The following INPP4A variants were observed in gnomAD, a reference collection of about 807,000 sequenced individuals.
INPP4A encodes the protein inositol polyphosphate-4-phosphatase type I A.
A neutral mutation model predicts 119.8 loss-of-function variants in INPP4A; 33 were observed. The observed-to-expected ratio is 0.28, with a 90% CI of 0.21 to 0.37. The LOEUF is 0.37. INPP4A is among the 10% of genes least tolerant of loss of function. The pLI is 1.00. For missense variants in INPP4A, 956 were observed against 1,289.9 expected, an observed-to-expected ratio of 0.74 and a Z score of 3.97; for synonymous variants, 496 against 500.7, an observed-to-expected ratio of 0.99 and a Z score of 0.12.
At chr2:98,451,330 A>G (rs1695183348) in intron 1 of INPP4A, among the ~76,000 whole-genome samples, 1 of 152,128 alleles carries the variant, frequency 6.6e-6, no homozygotes, top group Admixed American at 6.6e-5. Flanking sequence ...AGGCACAGTA[A>G]GCAGATGTAT....
chr2:98,490,105 G>A (rs964608726), intron 1 of INPP4A, among the ~76,000 whole-genome samples: 1 of 151,848 alleles, frequency 6.6e-6, no homozygotes, highest in Non-Finnish European at 1.5e-5. Flanking sequence ...TCTCAGTCTT[G>A]TAGATGGCTT....
In INPP4A at chr2:98,587,851, TTAAA is replaced by T. The variant is rs1700102935; in HGVS notation, c.*246_*249del. On this transcript the variant is annotated 3_prime_UTR_variant, in exon 25 of 25. Coordinates refer to ENST00000409851, the MANE Select transcript of INPP4A (RefSeq NM_001134225.2). ...GGATAGTAACAACTGCCTATTTAAATTAAATAGCCTTTGGCTGTAACTACACAGA... is the reference window on the plus strand; with the variant it reads ...GGATAGTAACAACTGCCTATTTAAATTAGCCTTTGGCTGTAACTACACAGA... 2.7e-6 allele frequency: 1 copy of T among 374,284 alleles called. No individual in the cohort carries two copies. Among genetic ancestry groups the T allele is most frequent in the African/African-American group, 2.1e-5 (1 of 47,618 alleles). The allele number at this position is 374,284 out of a possible 1,614,324, so 23.2% of individuals were successfully genotyped here. A position where few individuals can be genotyped will look rare whatever the true frequency, so the allele number is the denominator to read the frequency against.
At chr2:98,538,201 C>T (rs560159094) in intron 8 of INPP4A, among the ~76,000 whole-genome samples, 2 of 152,322 alleles carry the variant, frequency 1.3e-5, no homozygotes, top group Non-Finnish European at 2.9e-5. Context: ...GTTCTGGGTG[C>T]CACACTGGCC....
At chr2:98,585,001 T>C (rs1699800433) in intron 24 of INPP4A, among the ~76,000 whole-genome samples, 1 of 152,204 alleles carries the variant, frequency 6.6e-6, no homozygotes. Flanking sequence ...TGCTGAGGCA[T>C]TGTTGATGTC....
In INPP4A at chr2:98,569,880, C is replaced by T. The variant is rs928730379; in HGVS notation, c.2518+1212C>T. On this transcript the variant is annotated intron_variant, in intron 22 of 24. Transcript: ENST00000409851. The surrounding 1 kb of genome is among the most constrained non-coding windows in gnomAD (Gnocchi z 5.1). ...TTGGATTGGAAGAGGGGAGGCAAGC[C>T]GCTGATGGCCAGAGTGAGGCTGTGA... The T allele has an allele frequency of 1.3e-5, 2 of 152,332 alleles. No individual in the cohort carries two copies. The highest frequency in any genetic ancestry group is 2.4e-5 in the African/African-American group (1 of 41,408). The allele number at this position is 152,332 out of a possible 1,614,324, so 9.4% of individuals were successfully genotyped here.
chr2:98,515,972 A>G lies in INPP4A; in HGVS notation c.-165-2992A>G, dbSNP rs576458826. ...GTCACATGAGTGCGCAGAGTGAGGAATGGGAGCTGCTCACTTCATGGGTTA... is the reference window on the plus strand; with the variant it reads ...GTCACATGAGTGCGCAGAGTGAGGAGTGGGAGCTGCTCACTTCATGGGTTA... On this transcript the variant is annotated intron_variant, in intron 1 of 24. Transcript: ENST00000409851. Among the ~76,000 whole-genome samples, 9 of 152,276 alleles carry G rather than the reference A, an allele frequency of 5.9e-5. No homozygotes were observed. In the South Asian group the frequency reaches 1.9e-3, roughly 32 times the overall value.
In INPP4A at chr2:98,590,545, G is replaced by C. The variant is rs1353513495; in HGVS notation, c.*2937G>C. The C allele has an allele frequency of 5.1e-6, 1 of 195,704 alleles. No individual in the cohort carries two copies. Among genetic ancestry groups the C allele is most frequent in the Non-Finnish European group, 1.1e-5 (1 of 94,340 alleles). 12.1% of individuals were successfully genotyped at this position (195,704 alleles called of 1,614,324 possible). ...CAGAAGTACGTGTTCATAAATGGTA[G>C]CCATTGTTGTTACCTTCCCGTCTGT... On this transcript the variant is annotated 3_prime_UTR_variant, in exon 25 of 25. Coordinates refer to ENST00000409851, the MANE Select transcript of INPP4A (RefSeq NM_001134225.2).
intron 4 of INPP4A, among the ~76,000 whole-genome samples, chr2:98,521,976 G>T (rs1687281835): frequency 3.9e-5 from 6 of 151,988 alleles, no homozygotes; most frequent in Admixed American, 3.9e-4. Flanking sequence ...AGACATTGCA[G>T]AAAGTTTTAA....
chr2:98,484,190 A>T (rs981166083), intron 1 of INPP4A, among the ~76,000 whole-genome samples: 4 of 151,894 alleles, frequency 2.6e-5, no homozygotes, highest in Non-Finnish European at 5.9e-5. Flanking sequence ...TCACCTTCTG[A>T]TGACTCTGTC....
Position 98,555,750 on chromosome 2 carries a change from C to T in INPP4A, c.1764C>T (p.Pro588=), listed in dbSNP as rs539244714. The T allele has an allele frequency of 1.9e-6, 3 of 1,594,386 alleles. No individual in the cohort carries two copies. Among genetic ancestry groups the T allele is most frequent in the African/African-American group, 2.7e-5 (2 of 74,660 alleles). ...IRPEDPFCDV[P]SSPCPSTMPS... Reference sequence around the variant, plus strand: ...CAGAAGACCCCTTCTGTGATGTCCCCTCCTCACCATGCCCCTCCACCATGC... The same window carrying T: ...CAGAAGACCCCTTCTGTGATGTCCCTTCCTCACCATGCCCCTCCACCATGC... Residue 588 remains proline (P), a synonymous_variant, in exon 16 of 25, where the codon CCC becomes CCT. Transcript: ENST00000409851.
rs1211853851 is a variant in INPP4A, at chr2:98,586,906, A to T, written c.2787-570A>T. Among the ~76,000 whole-genome samples the T allele has an allele frequency of 5.9e-5, 9 of 152,198 alleles. No individual in the cohort carries two copies. The East Asian group carries it at 1.3e-3, about 23-fold the overall frequency. On this transcript the variant is annotated intron_variant, in intron 24 of 24. Coordinates refer to ENST00000409851, the MANE Select transcript of INPP4A (RefSeq NM_001134225.2). ...TGCTCTGCAGACAGTGCATGAACCC[A>T]TTGGATTACCTGGCACCCAGAACAA...
chr2:98,548,188 G>T (rs1384643918), intron 13 of INPP4A, among the ~76,000 whole-genome samples: 1 of 152,186 alleles, frequency 6.6e-6, no homozygotes, highest in Non-Finnish European at 1.5e-5. Context: ...CAGGCTGCCT[G>T]GGTGGGCCCA....
At chr2:98,562,391 A>C (rs1261828375) in intron 17 of INPP4A, among the ~76,000 whole-genome samples, 4 of 152,218 alleles carry the variant, frequency 2.6e-5, no homozygotes, top group African/African-American at 9.6e-5. Context: ...GAACAGGGCC[A>C]AGCCGCCCTT....
chr2:98,575,123 T>A (rs1366666518), intron 23 of INPP4A, among the ~76,000 whole-genome samples: 3 of 152,222 alleles, frequency 2.0e-5, no homozygotes, highest in Admixed American at 6.5e-5. Context: ...TTTCTTTTTG[T>A]TTGTGTGTAT....
intron 17 of INPP4A, among the ~76,000 whole-genome samples, chr2:98,560,612 C>CT (rs1192118972): frequency 6.6e-6 from 1 of 152,244 alleles, no homozygotes; most frequent in Non-Finnish European, 1.5e-5. Flanking sequence ...CTCAAGGTTA[C>CT]TGAGGCCTTG....
At position 98,538,882 on chromosome 2, in the gene INPP4A, C is replaced by G; in HGVS notation, c.580-9C>G. On this transcript the variant is annotated splice_polypyrimidine_tract_variant and intron_variant, in intron 8 of 24. Coordinates refer to ENST00000409851, the MANE Select transcript of INPP4A (RefSeq NM_001134225.2). ...CAGTTTTCTTGTGCATTTCCTTATA[C>G]ATTATCAGATGGTTCTTCCTGTCGA... 1 of 1,557,972 alleles carries G rather than the reference C, an allele frequency of 6.4e-7. No homozygotes were observed.
intron 1 of INPP4A, among the ~76,000 whole-genome samples, chr2:98,518,000 G>A (rs1461647342): frequency 6.6e-6 from 1 of 152,182 alleles, no homozygotes; most frequent in Non-Finnish European, 1.5e-5. Flanking sequence ...TTAGCATTGC[G>A]TTACTTAATG....
intron 1 of INPP4A, among the ~76,000 whole-genome samples, chr2:98,451,942 CATTT>C (rs1558856339): frequency 6.6e-6 from 1 of 152,154 alleles, no homozygotes; most frequent in Non-Finnish European, 1.5e-5. Flanking sequence ...CCAACAGTGA[CATTT>C]ATTATCTCAG....
chr2:98,552,798 C>T lies in INPP4A; in HGVS notation c.1176C>T (p.Gly392=). ...FEETKKHTSS[G]CQSIIYIPQD... Reference sequence around the variant, plus strand: ...TTATCCTTTCCAGTACATCATCTGGCTGCCAGTCCATAATCTACATACCCC... The same window carrying T: ...TTATCCTTTCCAGTACATCATCTGGTTGCCAGTCCATAATCTACATACCCC... Residue 392 remains glycine, a synonymous_variant, in exon 14 of 25, where the codon GGC becomes GGT. Coordinates refer to ENST00000409851, the MANE Select transcript of INPP4A (RefSeq NM_001134225.2). The T allele has an allele frequency of 6.2e-7, 1 of 1,612,282 alleles. No individual in the cohort carries two copies. The highest frequency in any genetic ancestry group is 1.1e-5 in the South Asian group (1 of 90,996).
Sources: allele counts gnomAD v4.1 joint callset (sites outside exome capture counted in the v4.1 genomes callset), GRCh38; gene constraint gnomAD v4.1.1; non-coding constraint Gnocchi (gnomAD v3.1); transcripts MANE v1.5; gene names NCBI Gene and HGNC (gene_info 2026-07-23, HGNC 2026-07-21).